MOCS1: variants seen among roughly 807,000 people sequenced by gnomAD.
MOCS1 encodes the protein molybdenum cofactor synthesis 1, also known as molybdenum cofactor biosynthesis protein 1.
Under a neutral mutation model 57.6 loss-of-function variants are expected in MOCS1, and 39 were observed. The observed-to-expected ratio is 0.68, with a 90% CI of 0.52 to 0.88. The LOEUF is 0.88. Among genes scored for constraint, MOCS1 ranks in the 40% least tolerant of loss-of-function variants. The pLI is 0.00. For missense variants in MOCS1, 795 were observed against 831.1 expected, an observed-to-expected ratio of 0.96 and a Z score of 0.53; for synonymous variants, 334 against 335.7, an observed-to-expected ratio of 1.00 and a Z score of 0.05.
In MOCS1 at chr6:39,913,464, C is replaced by T. The variant is rs746195314; in HGVS notation, c.646-36G>A. ...AACAATGGGACCATGAGGGCTGTGCCCCCTGCATTCTTTTGTGGAGATGAC... is the reference window on the plus strand; with the variant it reads ...AACAATGGGACCATGAGGGCTGTGCTCCCTGCATTCTTTTGTGGAGATGAC... On this transcript the variant is annotated intron_variant, in intron 5 of 10. Coordinates refer to ENST00000340692, the MANE Select transcript of MOCS1 (RefSeq NM_001358530.2). 42 of 1,578,666 alleles carry T rather than the reference C, an allele frequency of 2.7e-5. 2 individuals carry two copies. The South Asian group carries it at 4.1e-4, about 15-fold the overall frequency.
chr6:39,920,698 GC>G, intron 3 of MOCS1, among the ~76,000 whole-genome samples: 1 of 152,318 alleles, frequency 6.6e-6, no homozygotes, highest in East Asian at 1.9e-4. Context: ...AAGGGAATAG[GC>G]CAGGTGTGGT....
At chr6:39,920,415 G>A (rs115842937) in intron 3 of MOCS1, among the ~76,000 whole-genome samples, 2,844 of 152,184 alleles carry the variant, frequency 0.019, 40 homozygotes, top group Middle Eastern at 0.041. Flanking sequence ...CAATTCCACC[G>A]CTAGAGAAAC....
Position 39,904,202 on chromosome 6 carries a change from A to G in MOCS1, c.*2155T>C. 8.8e-6 allele frequency: 4 copies of G among 456,744 alleles called. 1 individual carries two copies. Among genetic ancestry groups the G allele is most frequent in the South Asian group, 6.2e-5 (4 of 64,558 alleles). 28.3% of individuals were successfully genotyped at this position (456,744 alleles called of 1,614,324 possible). On this transcript the variant is annotated 3_prime_UTR_variant, in exon 11 of 11. Coordinates refer to ENST00000340692, the MANE Select transcript of MOCS1 (RefSeq NM_001358530.2). ...TACATTTGATCTTCAGAAAAGCAGA[A>G]TTTGGTTCAACTGTTGACAGAGGAC...
rs572013845 is a variant in MOCS1 at position 39,927,348 on chromosome 6, T to G, written c.231A>C (p.Thr77=). The change falls in exon 2 of 11, where the codon ACA becomes ACC. Residue 77 remains threonine (T), a synonymous_variant. Coordinates refer to ENST00000340692, the MANE Select transcript of MOCS1 (RefSeq NM_001358530.2). ...RQHSYLRISL[T]EKCNLRCQYC... is the part of the protein sequence containing the mutation. ...ACTCACATCTGAGGTTGCACTTCTC[T>G]GTGAGGGAGATCCGCAGGTAGCTGT... is the stretch of plus-strand genomic sequence containing the variant. 1.2e-6 allele frequency: 2 copies of G among 1,612,022 alleles called. No homozygotes were observed. The highest frequency in any genetic ancestry group is 2.2e-5 in the South Asian group (2 of 91,056).
chr6:39,915,381 C>T (rs978658558), intron 4 of MOCS1, among the ~76,000 whole-genome samples: 25 of 152,104 alleles, frequency 1.6e-4, no homozygotes, highest in Non-Finnish European at 1.9e-4. Flanking sequence ...CCCTGCCACC[C>T]CTCTGATCCT....
chr6:39,905,311 TG>T lies in MOCS1; in HGVS notation c.*1045del, dbSNP rs1453089976. On this transcript the variant is annotated 3_prime_UTR_variant, in exon 11 of 11. Transcript: ENST00000340692. ...CACCTGACAAAAGATTTCCCTTAGA[TG>T]GTGCATTTCTATGCCCCCTACTCCA... 2.2e-6 allele frequency: 1 copy of T among 456,048 alleles called. No homozygotes were observed. Among genetic ancestry groups the T allele is most frequent in the East Asian group, 6.9e-5 (1 of 14,402 alleles). 28.3% of individuals were successfully genotyped at this position (456,048 alleles called of 1,614,324 possible).
At chr6:39,917,383 C>G (rs1461823592) in intron 3 of MOCS1, among the ~76,000 whole-genome samples, 5 of 152,052 alleles carry the variant, frequency 3.3e-5, no homozygotes, top group African/African-American at 1.2e-4. Flanking sequence ...AAATTACCTC[C>G]TACTGGGTCC....
Position 39,919,755 on chromosome 6 carries a change from T to C in MOCS1, c.419-3523A>G, listed in dbSNP as rs144592301. Among the ~76,000 whole-genome samples the C allele has an allele frequency of 1.8e-3, 278 of 152,272 alleles. 1 individual carries two copies. Among genetic ancestry groups the C allele is most frequent in the African/African-American group, 6.4e-3 (265 of 41,550 alleles). ...GGCAGATTTATGGAGGAAGTAAGGA[T>C]TGTTCAATATAAAGAACTATAAAAA... On this transcript the variant is annotated intron_variant, in intron 3 of 10. Transcript: ENST00000340692.
chr6:39,906,707 G>A lies in MOCS1; in HGVS notation c.1561C>T (p.Leu521Phe). Residue 521 changes from leucine (L) to phenylalanine (F), a missense_variant, in exon 11 of 11, where the codon CTT becomes TTT. This residue lies in a region of MOCS1 where 374 missense variants were observed against 422.6 expected (regional missense o/e 0.89). Transcript: ENST00000340692. ...VVLLGPVAFK[L>F]VQQNQLKKGD... Reference sequence around the variant, plus strand: ...TTCTTGAGCTGGTTCTGCTGGACAAGCTTGAAGGCTACCGGTCCCAGGAGG... The same window carrying A: ...TTCTTGAGCTGGTTCTGCTGGACAAACTTGAAGGCTACCGGTCCCAGGAGG... 6.2e-7 allele frequency: 1 copy of A among 1,614,194 alleles called. No homozygotes were observed. The highest frequency in any genetic ancestry group is 2.2e-5 in the East Asian group (1 of 44,880).
rs562502025 is a variant in MOCS1, at chr6:39,927,414, G to A, written c.165C>T (p.Ala55=). Reference sequence around the variant, plus strand: ...TGTCTGTGAGGAAGGCGGAGAAGGGGGCCGCATGCTCCCGCAGGAACTGCC... The same window carrying A: ...TGTCTGTGAGGAAGGCGGAGAAGGGAGCCGCATGCTCCCGCAGGAACTGCC... ...RRRQFLREHA[A]PFSAFLTDSF... Residue 55 remains alanine, a synonymous_variant, in exon 2 of 11, where the codon GCC becomes GCT. Transcript: ENST00000340692. 2 of 1,612,712 alleles carry A rather than the reference G, an allele frequency of 1.2e-6. No individual in the cohort carries two copies. The highest frequency in any genetic ancestry group is 4.5e-5 in the East Asian group (2 of 44,862).
chr6:39,924,546 C>T (rs1178956271), intron 3 of MOCS1, among the ~76,000 whole-genome samples: 9 of 152,166 alleles, frequency 5.9e-5, no homozygotes, highest in Non-Finnish European at 1.0e-4. Context: ...CAGGGGTTGC[C>T]ACACTTTTTC....
chr6:39,911,798 T>G (rs1011325217), intron 8 of MOCS1, among the ~76,000 whole-genome samples: 1 of 152,218 alleles, frequency 6.6e-6, no homozygotes, highest in East Asian at 1.9e-4. Context: ...ACATTGCCTC[T>G]GTTTGGTCTT....
At position 39,909,820 on chromosome 6, in the gene MOCS1, C is replaced by T. The variant is rs987036642; in HGVS notation, c.1102+15G>A. 6.2e-7 allele frequency: 1 copy of T among 1,612,006 alleles called. No individual in the cohort carries two copies. The highest frequency in any genetic ancestry group is 1.3e-5 in the African/African-American group (1 of 74,910). On this transcript the variant is annotated intron_variant, in intron 9 of 10. Coordinates refer to ENST00000340692, the MANE Select transcript of MOCS1 (RefSeq NM_001358530.2). The stretch of plus-strand genomic sequence containing the variant: ...CACTCACCATCCAGGCCAGCCCTCC[C>T]CACCCTGCACTTACCTGCATGCTGC...
rs374575232 is a variant in MOCS1, at chr6:39,916,166, C to A, written c.485G>T (p.Arg162Leu). ...AGCCTTCTGAAGCTGGGGCAGTAGC[C>A]GGGCCAGGTTGATGCCATTGGTGGT... is the stretch of plus-strand genomic sequence containing the variant. ...GVTTNGINLARLLPQLQKAGL... is the reference protein window; with the variant it reads ...GVTTNGINLALLLPQLQKAGL... The change falls in exon 4 of 11, where the codon CGG becomes CTG. Residue 162 changes from arginine to leucine, a missense_variant. Physicochemically the swap from Arg to Leu is moderately radical, Grantham distance 102. This residue lies in a region of MOCS1 where 416 missense variants were observed against 392.4 expected (regional missense o/e 1.06). Transcript: ENST00000340692. 7 of 1,613,972 alleles carry A rather than the reference C, an allele frequency of 4.3e-6. No homozygotes were observed. Among genetic ancestry groups the A allele is most frequent in the Non-Finnish European group, 5.1e-6 (6 of 1,180,006 alleles).
chr6:39,913,240 C>A, intron 6 of MOCS1, 77 bp downstream of exon 6: 2 of 1,281,070 alleles, frequency 1.6e-6, no homozygotes, highest in Non-Finnish European at 2.3e-6. Context: ...TCAGCCATAC[C>A]CAGTGGGTGA....
rs185055270 is a variant in MOCS1 at position 39,921,226 on chromosome 6, C to T, written c.418+4452G>A. On this transcript the variant is annotated intron_variant, in intron 3 of 10. Coordinates refer to ENST00000340692, the MANE Select transcript of MOCS1 (RefSeq NM_001358530.2). ...CATCCTGGCTAACACAGTGAAACCC[C>T]GCCTCTACTAAAAATATAAAAAATT... is the stretch of plus-strand genomic sequence containing the variant. Among the ~76,000 whole-genome samples, 299 of 151,840 alleles carry T rather than the reference C, an allele frequency of 2.0e-3. 1 individual carries two copies. The highest frequency in any genetic ancestry group is 3.4e-3 in the Middle Eastern group (1 of 294).
intron 3 of MOCS1, among the ~76,000 whole-genome samples, chr6:39,923,832 C>G (rs1268259788): frequency 6.6e-6 from 1 of 152,230 alleles, no homozygotes; most frequent in Non-Finnish European, 1.5e-5. Context: ...CTAGGCTCCC[C>G]TTATACAGCA....
chr6:39,908,269 C>G (rs1767079077), intron 10 of MOCS1, among the ~76,000 whole-genome samples: 1 of 152,180 alleles, frequency 6.6e-6, no homozygotes, highest in South Asian at 2.1e-4. Context: ...CTTTTCTCCC[C>G]CCTGCTTTTT....
rs1562079280 is a variant in MOCS1 at position 39,905,449 on chromosome 6, T to C, written c.*908A>G. On this transcript the variant is annotated 3_prime_UTR_variant, in exon 11 of 11. Transcript: ENST00000340692. ...CTTGGGATAGGATTGATTGATTGATTGATAGGTGCAGCCTTCCCTGTGAAA... is the reference window on the plus strand; with the variant it reads ...CTTGGGATAGGATTGATTGATTGATCGATAGGTGCAGCCTTCCCTGTGAAA... 2.1e-6 allele frequency: 1 copy of C among 470,302 alleles called. No homozygotes were observed. The highest frequency in any genetic ancestry group is 4.4e-6 in the Non-Finnish European group (1 of 226,984). 29.1% of individuals were successfully genotyped at this position (470,302 alleles called of 1,614,324 possible).
Sources: allele counts gnomAD v4.1 joint callset (sites outside exome capture counted in the v4.1 genomes callset), GRCh38; gene constraint gnomAD v4.1.1; regional missense constraint gnomAD v4.1.1; transcripts MANE v1.5; gene names NCBI Gene and HGNC (gene_info 2026-07-23, HGNC 2026-07-21).